UBR1: variants seen among roughly 807,000 people sequenced by gnomAD.
UBR1 encodes ubiquitin protein ligase E3 component n-recognin 1.
Under a neutral mutation model 242.1 loss-of-function variants are expected in UBR1, and 102 were observed. That is an observed-to-expected ratio of 0.42 (90% CI 0.36 to 0.50). UBR1 has a LOEUF of 0.50. Ranked by LOEUF, UBR1 falls within the 20% of genes least tolerant of loss-of-function variation. UBR1 has a pLI of 0.01. For synonymous variants in UBR1, 675 were observed against 684.8 expected (o/e 0.99, Z 0.22); for missense variants, 1,772 against 2,101.8 (o/e 0.84, Z 3.07).
At position 43,007,693 on chromosome 15, in the gene UBR1, T is replaced by C. The variant is rs1028966820; in HGVS notation, c.3210-409A>G. Among the ~76,000 whole-genome samples the C allele has an allele frequency of 2.8e-4, 42 of 152,168 alleles. 1 individual carries two copies. The highest frequency in any genetic ancestry group is 2.7e-3 in the Admixed American group (42 of 15,280). On this transcript the variant is annotated intron_variant, in intron 29 of 46. Coordinates refer to ENST00000290650, the MANE Select transcript of UBR1 (RefSeq NM_174916.3). ...CTACTAGTAACCTTGTATATTTCCT[T>C]CTAGGTCTGCTTTCTATTTATAATA... is the stretch of plus-strand genomic sequence containing the variant.
At position 43,007,184 on chromosome 15, in the gene UBR1, C is replaced by A. The variant is rs2032845163; in HGVS notation, c.3310G>T (p.Glu1104Ter). The change falls in exon 30 of 47, where the codon GAA becomes TAA. Residue 1104 changes from glutamate to a stop codon, truncating the protein, a stop_gained. Transcript: ENST00000290650. LOFTEE classifies it high-confidence loss of function. Reference protein sequence around the residue: ...EVLTCILCQEEQEVKIENNAM... With the variant: ...EVLTCILCQE ...TTATTTTCTATTTTCACCTCCTGTT[C>A]TTCTTGGCAAAGGATGCACGTCAGC... 6.2e-7 allele frequency: 1 copy of A among 1,613,978 alleles called. No homozygotes were observed. The highest frequency in any genetic ancestry group is 1.1e-5 in the South Asian group (1 of 91,082).
intron 1 of UBR1, among the ~76,000 whole-genome samples, chr15:43,087,311 A>C (rs1243005356): frequency 6.6e-6 from 1 of 152,154 alleles, no homozygotes; most frequent in Non-Finnish European, 1.5e-5. Flanking sequence ...AGGTTGAGGC[A>C]GGAGGATGGC....
intron 6 of UBR1, among the ~76,000 whole-genome samples, chr15:43,066,084 G>T (rs957194606): frequency 6.6e-6 from 1 of 151,912 alleles, no homozygotes; most frequent in African/African-American, 2.4e-5. Context: ...TTTTTTCTAG[G>T]GTTTTATAGT....
In UBR1 at chr15:42,952,344, C is replaced by T. The variant is rs1866087835; in HGVS notation, c.4940G>A (p.Gly1647Glu). 3 of 1,614,194 alleles carry T rather than the reference C, an allele frequency of 1.9e-6. No homozygotes were observed. The highest frequency in any genetic ancestry group is 1.1e-5 in the South Asian group (1 of 91,076). Residue 1647 changes from glycine (G) to glutamate (E), a missense_variant, in exon 45 of 47, where the codon GGG (glycine) becomes GAG (glutamate). Physicochemically the swap from Gly to Glu is moderately conservative, Grantham distance 98. Coordinates refer to ENST00000290650, the MANE Select transcript of UBR1 (RefSeq NM_174916.3). ...AAAAATGCAAGCTCCAACCTCTTCC[C>T]CGTTCACAATTTCCTGGCAGCAAAT... ...QNICCQEIVN[G>E]EEVGACIFHA...
chr15:43,065,228 C>G (rs1266392194), intron 6 of UBR1, among the ~76,000 whole-genome samples: 1 of 152,106 alleles, frequency 6.6e-6, no homozygotes, highest in East Asian at 1.9e-4. Flanking sequence ...GCTAAATACC[C>G]CATTTCACTT....
chr15:43,007,932 C>T (rs1174888380), intron 29 of UBR1, among the ~76,000 whole-genome samples: 1 of 152,180 alleles, frequency 6.6e-6, no homozygotes, highest in Non-Finnish European at 1.5e-5. Context: ...AAACTTACAC[C>T]TTAATGATTC....
chr15:43,021,475 C>T, intron 26 of UBR1, 100 bp from the exon 27 acceptor site: 1 of 1,010,168 alleles, frequency 9.9e-7, no homozygotes, highest in East Asian at 2.4e-5. Context: ...TCAAAGTCCA[C>T]TAATGCTCAA....
rs2054389 is a variant in UBR1, at chr15:42,963,923, T to C, written c.4700+12A>G. The C allele has an allele frequency of 0.87, 1,369,772 of 1,566,924 alleles. 599,541 individuals carry two copies. Among genetic ancestry groups the C allele is most frequent in the Middle Eastern group, 0.88 (5,292 of 5,982 alleles). On this transcript the variant is annotated intron_variant, in intron 42 of 46. Transcript: ENST00000290650. ...ATAATAACCCAACAACAATATTTTA[T>C]CCCCATAGTACCTCTGGAGCAAGGG...
intron 30 of UBR1, 67 bp from the exon 31 acceptor site, chr15:43,003,997 A>T: frequency 7.2e-7 from 1 of 1,393,892 alleles, no homozygotes; most frequent in Non-Finnish European, 1.0e-6. Flanking sequence ...CTAATCACAA[A>T]CTGTCTTAGG....
chr15:43,031,662 G>C (rs940181176), intron 20 of UBR1, among the ~76,000 whole-genome samples: 1 of 152,104 alleles, frequency 6.6e-6, no homozygotes, highest in Admixed American at 6.6e-5. Flanking sequence ...CCCAACTAAA[G>C]AACTATTCAA....
intron 45 of UBR1, 141 bp from the exon 46 acceptor site, chr15:42,950,504 AC>A: frequency 1.4e-6 from 1 of 697,266 alleles, no homozygotes; most frequent in Non-Finnish European, 2.6e-6. Context: ...AGACAAATAG[AC>A]TAAATTATGT....
chr15:43,104,709 AAAAC>A (rs1169652783), intron 1 of UBR1, among the ~76,000 whole-genome samples: 1 of 152,136 alleles, frequency 6.6e-6, no homozygotes, highest in Non-Finnish European at 1.5e-5. Flanking sequence ...GTTAAAAAAA[AAAAC>A]AAAAAACCTT....
intron 40 of UBR1, among the ~76,000 whole-genome samples, chr15:42,967,389 A>T (rs905908005): frequency 1.3e-5 from 2 of 151,436 alleles, no homozygotes; most frequent in African/African-American, 4.9e-5. Context: ...CTTCAACATA[A>T]AAGTTAAAGG....
Position 42,987,083 on chromosome 15 carries a change from C to T in UBR1, c.3997+1736G>A, listed in dbSNP as rs369509970. Among the ~76,000 whole-genome samples the T allele has an allele frequency of 3.9e-4, 59 of 152,350 alleles. No individual in the cohort carries two copies. The East Asian group carries it at 5.0e-3, about 13-fold the overall frequency. The stretch of plus-strand genomic sequence containing the variant: ...CCATGCCCCTGCATGGTGCTGGGCT[C>T]GGCCCAAGATGTCCAACCGCAGTCT... On this transcript the variant is annotated intron_variant, in intron 35 of 46. Coordinates refer to ENST00000290650, the MANE Select transcript of UBR1 (RefSeq NM_174916.3).
At chr15:43,037,223 C>A (rs2033348801) in intron 17 of UBR1, among the ~76,000 whole-genome samples, 1 of 151,802 alleles carries the variant, frequency 6.6e-6, no homozygotes, top group Non-Finnish European at 1.5e-5. Context: ...TGGTGTATGT[C>A]TGTAGTCCCA....
intron 12 of UBR1, among the ~76,000 whole-genome samples, chr15:43,053,624 G>A (rs1053821272): frequency 6.6e-6 from 1 of 151,916 alleles, no homozygotes; most frequent in Admixed American, 6.6e-5. Flanking sequence ...ATAGGATCCC[G>A]CTCTGTTGCC....
chr15:43,039,007 G>C (rs965383120), intron 15 of UBR1, among the ~76,000 whole-genome samples: 13 of 150,282 alleles, frequency 8.7e-5, no homozygotes, highest in South Asian at 2.1e-4. Context: ...TTATTAAAAA[G>C]GTACTTTTAA....
rs747036202 is a variant in UBR1 at position 43,105,966 on chromosome 15, G to A, written c.57C>T (p.Pro19=). 2 of 1,613,926 alleles carry A rather than the reference G, an allele frequency of 1.2e-6. No individual in the cohort carries two copies. The highest frequency in any genetic ancestry group is 2.7e-5 in the African/African-American group (2 of 74,888). The change falls in exon 1 of 47, where the codon CCC becomes CCT. Residue 19 remains proline (P), a synonymous_variant. Coordinates refer to ENST00000290650, the MANE Select transcript of UBR1 (RefSeq NM_174916.3). ...TERMEISAEL[P]QTPQRLASWW... Reference sequence around the variant, plus strand: ...CAGATGCCAGACGCTGAGGGGTCTGGGGTAACTCCGCGCTGATTTCCATCC... The same window carrying A: ...CAGATGCCAGACGCTGAGGGGTCTGAGGTAACTCCGCGCTGATTTCCATCC...
chr15:42,991,337 A>T (rs1240757843), intron 33 of UBR1, among the ~76,000 whole-genome samples: 2 of 151,930 alleles, frequency 1.3e-5, no homozygotes, highest in African/African-American at 4.8e-5. Flanking sequence ...CCTGGGCTCA[A>T]AGCATCCTCC....
Sources: allele counts gnomAD v4.1 joint callset (sites outside exome capture counted in the v4.1 genomes callset), GRCh38; gene constraint gnomAD v4.1.1; transcripts MANE v1.5; gene names NCBI Gene and HGNC (gene_info 2026-07-23, HGNC 2026-07-21).